Variants in ANKRD30B observed in about 807,000 individuals in gnomAD.
The protein encoded by ANKRD30B is ankyrin repeat domain 30B.
Under a neutral mutation model 202.2 loss-of-function variants are expected in ANKRD30B, and 144 were observed. The ratio of observed to expected loss-of-function variants is 0.71; its 90% CI spans 0.62 to 0.82. The LOEUF is 0.82. Ranked by LOEUF, ANKRD30B falls within the 40% of genes least tolerant of loss-of-function variation. ANKRD30B has a pLI of 0.00. For synonymous variants in ANKRD30B, 508 were observed against 561.3 expected (o/e 0.91, Z 1.34); for missense variants, 1,487 against 1,669.1 (o/e 0.89, Z 1.90).
chr18:14,836,980 T>C (rs1412371719), intron 34 of ANKRD30B, among the ~76,000 whole-genome samples: 60 of 152,210 alleles, frequency 3.9e-4, no homozygotes, highest in Non-Finnish European at 2.9e-5. Flanking sequence ...TTTTCTGTTC[T>C]TATTTGTTTT....
chr18:14,796,544 C>T, intron 18 of ANKRD30B, 129 bp downstream of exon 18: 5 of 1,163,564 alleles, frequency 4.3e-6, no homozygotes, highest in East Asian at 5.2e-5. Flanking sequence ...CAAATAATGC[C>T]AATGTTAGCA....
chr18:14,937,879 G>A, the ANKRD30B span, among the ~76,000 whole-genome samples: 1 of 152,288 alleles, frequency 6.6e-6, no homozygotes, highest in East Asian at 1.9e-4. Flanking sequence ...AAGGCCCCTG[G>A]CGTCTCTGGG....
chr18:14,748,542 G>A lies in ANKRD30B; in HGVS notation c.123G>A (p.Lys41=), dbSNP rs1912848838. ...CCATCTACTTCGGGGATCTAGGGAA[G>A]ATCCATACAGCTGCCTCCCGGGGCC... ...YGTIYFGDLG[K]IHTAASRGQV... The change falls in exon 1 of 44, where the codon AAG becomes AAA. Residue 41 remains lysine, a synonymous_variant. Coordinates refer to ENST00000690538, the MANE Select transcript of ANKRD30B (RefSeq NM_001367607.2). The A allele has an allele frequency of 6.4e-7, 1 of 1,555,082 alleles. No individual in the cohort carries two copies. The highest frequency in any genetic ancestry group is 1.4e-5 in the African/African-American group (1 of 73,268).
At chr18:14,800,057 C>T (rs1044133741) in intron 22 of ANKRD30B, among the ~76,000 whole-genome samples, 5 of 151,414 alleles carry the variant, frequency 3.3e-5, no homozygotes, top group African/African-American at 7.3e-5. Context: ...ACAGTGAAAC[C>T]CCATCGCTAC....
At chr18:14,788,200 T>G (rs1270921838) in intron 15 of ANKRD30B, among the ~76,000 whole-genome samples, 2 of 152,194 alleles carry the variant, frequency 1.3e-5, no homozygotes, top group Admixed American at 6.5e-5. Flanking sequence ...GTATTTTGTT[T>G]GAAATGTCAT....
At chr18:14,769,701 G>T (rs1916801247) in intron 8 of ANKRD30B, among the ~76,000 whole-genome samples, 1 of 152,164 alleles carries the variant, frequency 6.6e-6, no homozygotes, top group Non-Finnish European at 1.5e-5. Context: ...GGAGACCTCT[G>T]CATCACTGAG....
the ANKRD30B span, among the ~76,000 whole-genome samples, chr18:14,909,554 C>G: frequency 6.6e-6 from 1 of 152,120 alleles, no homozygotes; most frequent in African/African-American, 2.4e-5. Context: ...GTTACAGGCG[C>G]GCACCACCAT....
chr18:14,769,721 C>T (rs572668094), intron 8 of ANKRD30B, among the ~76,000 whole-genome samples: 1 of 152,328 alleles, frequency 6.6e-6, no homozygotes, highest in African/African-American at 2.4e-5. Flanking sequence ...GATCAAGGTA[C>T]AGGTCCAGAT....
intron 7 of ANKRD30B, among the ~76,000 whole-genome samples, chr18:14,766,493 A>AAAAAAAAAAAGAAAAGAAAAG (rs1567989711): frequency 4.7e-5 from 4 of 84,976 alleles, no homozygotes; most frequent in Admixed American, 1.4e-4. Context: ...AAAAAAAAAA[A>AAAAAAAAAAAGAAAAGAAAAG]AAAAGAAAAG....
downstream of ANKRD30B, among the ~76,000 whole-genome samples, chr18:14,856,248 G>A (rs1357509127): frequency 7.5e-6 from 1 of 134,054 alleles, no homozygotes; most frequent in African/African-American, 2.8e-5. Flanking sequence ...GCCAGAGAAA[G>A]GTGCTCCTCA....
intron 33 of ANKRD30B, 109 bp from the exon 34 acceptor site, chr18:14,831,274 A>AT (rs1390130534): frequency 1.6e-6 from 1 of 637,390 alleles, no homozygotes; most frequent in Non-Finnish European, 2.7e-6. Context: ...CTTTCCCCAG[A>AT]TTTTGTTTTT....
chr18:14,869,646 T>G, the ANKRD30B span, among the ~76,000 whole-genome samples: 1 of 151,814 alleles, frequency 6.6e-6, no homozygotes, highest in Admixed American at 6.6e-5. Context: ...TTTATTAAAT[T>G]TTTGTATAAT....
chr18:14,938,756 G>A, the ANKRD30B span, among the ~76,000 whole-genome samples: 1 of 152,212 alleles, frequency 6.6e-6, no homozygotes, highest in African/African-American at 2.4e-5. Flanking sequence ...ACTGTAAGAG[G>A]GGGACAAGAT....
chr18:14,867,197 T>G, the ANKRD30B span, among the ~76,000 whole-genome samples: 2 of 149,934 alleles, frequency 1.3e-5, no homozygotes, highest in Non-Finnish European at 3.0e-5. Flanking sequence ...AGGGATGGGT[T>G]GTGGACACTA....
At chr18:14,815,154 G>A (rs578080584) in intron 30 of ANKRD30B, among the ~76,000 whole-genome samples, 1 of 65,286 alleles carries the variant, frequency 1.5e-5, no homozygotes, top group African/African-American at 6.3e-5. Context: ...AAACATACCA[G>A]AGAATTACAG....
the ANKRD30B span, among the ~76,000 whole-genome samples, chr18:14,879,076 G>A: frequency 1.3e-5 from 2 of 151,702 alleles, no homozygotes; most frequent in Admixed American, 6.6e-5. Flanking sequence ...CAGACCCGGG[G>A]GACACCGCGA....
At chr18:14,870,485 A>AGT in the ANKRD30B span, among the ~76,000 whole-genome samples, 3 of 152,164 alleles carry the variant, frequency 2.0e-5, no homozygotes, top group Non-Finnish European at 2.9e-5. Flanking sequence ...TGTCTGGAAA[A>AGT]GTGTGTGAAG....
chr18:14,816,324 T>C (rs1307603857), intron 30 of ANKRD30B: 1 of 152,134 alleles, frequency 6.6e-6, no homozygotes, highest in Admixed American at 6.6e-5. Flanking sequence ...TATTTTTTTG[T>C]TCAGCGATTA....
the ANKRD30B span, among the ~76,000 whole-genome samples, chr18:14,867,579 C>T: frequency 9.2e-5 from 14 of 152,294 alleles, no homozygotes; most frequent in African/African-American, 3.4e-4. Context: ...GTTGTGGAGA[C>T]CATCTGGGAG....
Sources: gnomAD v4.1 joint callset for allele counts (sites outside exome capture counted in the v4.1 genomes callset) on GRCh38, gnomAD v4.1.1 for gene constraint, MANE v1.5 for transcripts, NCBI Gene and HGNC (gene_info 2026-07-23, HGNC 2026-07-21) for gene names.